Variants in SPMIP11 observed in about 807,000 individuals in gnomAD.
The protein encoded by SPMIP11 is sperm microtubule inner protein 11, also known as long intergenic non-protein coding RNA 935.
the SPMIP11 span, among the ~76,000 whole-genome samples, chr12:48,732,735 A>C: frequency 6.6e-6 from 1 of 151,490 alleles, no homozygotes; most frequent in Non-Finnish European, 1.5e-5. Context: ...GTACCATTGC[A>C]CTCCAGCCTG....
At chr12:48,750,920 T>C in the SPMIP11 span, among the ~76,000 whole-genome samples, 1 of 152,234 alleles carries the variant, frequency 6.6e-6, no homozygotes, top group Non-Finnish European at 1.5e-5. Flanking sequence ...ACTTCAACCA[T>C]TCTGTGGTTC....
chr12:48,769,830 C>T, the SPMIP11 span, among the ~76,000 whole-genome samples: 9 of 150,086 alleles, frequency 6.0e-5, no homozygotes, highest in South Asian at 1.3e-3. Context: ...GGCACCATCT[C>T]GGCTCACTGC....
At chr12:48,760,388 G>A in the SPMIP11 span, among the ~76,000 whole-genome samples, 1 of 151,868 alleles carries the variant, frequency 6.6e-6, no homozygotes, top group Non-Finnish European at 1.5e-5. Flanking sequence ...ATGTTGTCCA[G>A]GCTGGTGTCA....
the SPMIP11 span, among the ~76,000 whole-genome samples, chr12:48,757,512 G>T: frequency 1.3e-5 from 2 of 151,720 alleles, no homozygotes; most frequent in African/African-American, 4.8e-5. Flanking sequence ...CAGGCGTGGT[G>T]GTGAGCGCCT....
the SPMIP11 span, among the ~76,000 whole-genome samples, chr12:48,731,252 G>A: frequency 6.6e-6 from 1 of 152,156 alleles, no homozygotes; most frequent in Non-Finnish European, 1.5e-5. Context: ...CAGCACTTTG[G>A]AAGGCCAACG....
chr12:48,770,784 T>A, the SPMIP11 span: 33 of 1,613,870 alleles, frequency 2.0e-5, no homozygotes, highest in African/African-American at 5.3e-5. Flanking sequence ...ATCTGGAAAT[T>A]GTTGAAGGAG....
chr12:48,732,912 T>C, the SPMIP11 span, among the ~76,000 whole-genome samples: 1 of 151,628 alleles, frequency 6.6e-6, no homozygotes, highest in Non-Finnish European at 1.5e-5. Context: ...AGGCCAAAGC[T>C]ACTCAGGAGG....
At chr12:48,743,265 G>T in the SPMIP11 span, among the ~76,000 whole-genome samples, 14 of 151,370 alleles carry the variant, frequency 9.2e-5, no homozygotes, top group Admixed American at 9.2e-4. Flanking sequence ...GTGGTGGCAG[G>T]CACCTGTAGT....
chr12:48,744,475 T>C, the SPMIP11 span, among the ~76,000 whole-genome samples: 2 of 152,154 alleles, frequency 1.3e-5, no homozygotes, highest in Admixed American at 6.6e-5. Flanking sequence ...GGCTCATGCC[T>C]GTAATCCTGG....
the SPMIP11 span, chr12:48,768,898 G>A: frequency 6.3e-7 from 1 of 1,583,764 alleles, no homozygotes. Flanking sequence ...AGCCCTCCGG[G>A]CCCATGTTCC....
the SPMIP11 span, among the ~76,000 whole-genome samples, chr12:48,736,881 G>A: frequency 1.6e-3 from 238 of 151,914 alleles, 1 homozygote; most frequent in Non-Finnish European, 2.7e-3. Flanking sequence ...AAATTTTGAA[G>A]CTATGTTTTT....
chr12:48,761,001 C>T, the SPMIP11 span, among the ~76,000 whole-genome samples: 6 of 152,192 alleles, frequency 3.9e-5, no homozygotes, highest in East Asian at 3.8e-4. Flanking sequence ...AAACTGCAAA[C>T]GAATTCTGTG....
the SPMIP11 span, among the ~76,000 whole-genome samples, chr12:48,751,138 A>G: frequency 6.6e-6 from 1 of 152,068 alleles, no homozygotes; most frequent in African/African-American, 2.4e-5. Context: ...AAAAGGGCCC[A>G]CTCAAGCTTT....
the SPMIP11 span, among the ~76,000 whole-genome samples, chr12:48,735,885 AAAT>A: frequency 6.6e-6 from 1 of 152,018 alleles, no homozygotes; most frequent in Admixed American, 6.6e-5. Flanking sequence ...CTCCCTCTCA[AAAT>A]AATAATAATA....
chr12:48,758,619 C>T, the SPMIP11 span, among the ~76,000 whole-genome samples: 1 of 152,184 alleles, frequency 6.6e-6, no homozygotes, highest in Non-Finnish European at 1.5e-5. Context: ...GATTCCCAAA[C>T]ATAATGAATG....
At chr12:48,759,838 G>A in the SPMIP11 span, among the ~76,000 whole-genome samples, 1 of 152,178 alleles carries the variant, frequency 6.6e-6, no homozygotes, top group Middle Eastern at 3.4e-3. Flanking sequence ...GATGAGTCTT[G>A]CTCTGTCACC....
the SPMIP11 span, chr12:48,770,670 C>T: frequency 1.5e-6 from 2 of 1,296,514 alleles, no homozygotes; most frequent in Non-Finnish European, 2.2e-6. Flanking sequence ...CACAGGAGCC[C>T]TGATGGGAAA....
the SPMIP11 span, chr12:48,759,315 G>C: frequency 1.4e-6 from 1 of 702,960 alleles, no homozygotes; most frequent in East Asian, 2.7e-5. Flanking sequence ...CTGTCCGGAA[G>C]GTGTTGTTGA....
At chr12:48,739,167 C>T in the SPMIP11 span, among the ~76,000 whole-genome samples, 2 of 152,018 alleles carry the variant, frequency 1.3e-5, no homozygotes, top group Admixed American at 1.3e-4. Context: ...AGTGATTACT[C>T]ACCTCAAATA....
Sources: allele counts gnomAD v4.1 joint callset (sites outside exome capture counted in the v4.1 genomes callset), GRCh38; gene constraint gnomAD v4.1.1; transcripts MANE v1.5; gene names NCBI Gene and HGNC (gene_info 2026-07-23, HGNC 2026-07-21).